The following NEK6 variants were observed in gnomAD, a reference collection of about 807,000 sequenced individuals.
NEK6 encodes the protein serine/threonine-protein kinase Nek6.
NEK6 carries 27 observed loss-of-function variants against 43.5 expected under a neutral mutation model. The observed-to-expected ratio is 0.62, with a 90% confidence interval of 0.46 to 0.86. NEK6 has a LOEUF of 0.86. NEK6 is among the 40% of genes least tolerant of loss of function. The pLI, the probability that NEK6 is intolerant of heterozygous loss-of-function variation, is 0.00. For synonymous variants in NEK6, 167 were observed against 164.1 expected (o/e 1.02, Z -0.14); for missense variants, 318 against 414.4 (o/e 0.77, Z 2.02).
rs11556891 is a variant in NEK6, at chr9:124,258,016, C to T, written c.-99C>T. The T allele has an allele frequency of 6.1e-6, 6 of 978,566 alleles. No individual in the cohort carries two copies. Among genetic ancestry groups the T allele is most frequent in the Non-Finnish European group, 7.3e-6 (6 of 827,444 alleles). The allele number at this position is 978,566 out of a possible 1,614,324, so 60.6% of individuals were successfully genotyped here. ...CGCTGCGCCGCAAACTCGTGTGGGA[C>T]GCACCGCTCCAGCCGCCCGCGGGCC... On this transcript the variant is annotated 5_prime_UTR_variant, in exon 1 of 10. The change creates a new upstream start codon in the 5' untranslated region. Transcript: ENST00000320246.
At chr9:124,281,165 G>A (rs1307142380) in intron 1 of NEK6, among the ~76,000 whole-genome samples, 1 of 152,180 alleles carries the variant, frequency 6.6e-6, no homozygotes, top group Non-Finnish European at 1.5e-5. Flanking sequence ...TGGCCTGGGG[G>A]CCTCTTCCCT....
intron 7 of NEK6, among the ~76,000 whole-genome samples, chr9:124,333,915 G>A (rs1386070809): frequency 1.3e-5 from 2 of 151,840 alleles, no homozygotes; most frequent in Non-Finnish European, 2.9e-5. Flanking sequence ...GTAGCTGGGA[G>A]TACAGGCGCG....
chr9:124,266,438 G>A (rs1831230483), intron 1 of NEK6, among the ~76,000 whole-genome samples: 1 of 152,182 alleles, frequency 6.6e-6, no homozygotes. Context: ...AAAATTGGAG[G>A]ACAGAGGCTG....
chr9:124,291,737 C>T, intron 1 of NEK6: 1 of 821,286 alleles, frequency 1.2e-6, no homozygotes, highest in Non-Finnish European at 1.5e-6. Flanking sequence ...GGAAAGGACC[C>T]TTGTCCCTCC....
chr9:124,276,255 C>T (rs1314720619), intron 1 of NEK6, among the ~76,000 whole-genome samples: 1 of 152,096 alleles, frequency 6.6e-6, no homozygotes, highest in East Asian at 1.9e-4. Context: ...TCCCCAGGGG[C>T]TTCAGTGGCT....
chr9:124,326,202 T>TACCCCCCCCCCC lies in NEK6; in HGVS notation c.406-128_406-127insACCCCCCCCCCC. 8.1e-6 allele frequency: 1 copy of TACCCCCCCCCCC among 124,050 alleles called. No homozygotes were observed. Among genetic ancestry groups the TACCCCCCCCCCC allele is most frequent in the Non-Finnish European group, 2.0e-5 (1 of 50,618 alleles). The allele number at this position is 124,050 out of a possible 1,614,324, so 7.7% of individuals were successfully genotyped here. A position where few individuals can be genotyped will look rare whatever the true frequency, so the allele number is the denominator to read the frequency against. On this transcript the variant is annotated intron_variant, in intron 5 of 9. Coordinates refer to ENST00000320246, the MANE Select transcript of NEK6 (RefSeq NM_014397.6). The surrounding 1 kb of genome is among the most constrained non-coding windows in gnomAD (Gnocchi z 4.5). ...GCTTATTGTTTGCTCAGTGGCTCAATCCCCCCCCCCCGCCCCTGCCAGGCA... is the reference window on the plus strand; with the variant it reads ...GCTTATTGTTTGCTCAGTGGCTCAATACCCCCCCCCCCCCCCCCCCCCCGCCCCTGCCAGGCA...
intron 7 of NEK6, among the ~76,000 whole-genome samples, chr9:124,334,002 C>T (rs558110803): frequency 7.6e-4 from 115 of 152,280 alleles, no homozygotes; most frequent in African/African-American, 2.7e-3. Context: ...TGGTCTCGAT[C>T]TCCTGACCTC....
chr9:124,353,272 T>C lies in NEK6; in HGVS notation c.*2325T>C. The C allele has an allele frequency of 3.2e-6, 1 of 314,282 alleles. No individual in the cohort carries two copies. The highest frequency in any genetic ancestry group is 5.8e-6 in the Non-Finnish European group (1 of 171,904). The allele number at this position is 314,282 out of a possible 1,614,324, so 19.5% of individuals were successfully genotyped here. On this transcript the variant is annotated 3_prime_UTR_variant, in exon 10 of 10. Transcript: ENST00000320246. ...AAAAGGGTAGGTATCGATGGTCACC[T>C]GAAGCCTCAAGGGAGTCCACTCTGA...
intron 1 of NEK6, among the ~76,000 whole-genome samples, chr9:124,264,334 C>T (rs1831143738): frequency 6.6e-6 from 1 of 152,212 alleles, no homozygotes; most frequent in African/African-American, 2.4e-5. Flanking sequence ...TCTGTAGTCA[C>T]CTCATGCAAG....
At chr9:124,302,337 G>A (rs1833024537) in intron 2 of NEK6, among the ~76,000 whole-genome samples, 1 of 152,224 alleles carries the variant, frequency 6.6e-6, no homozygotes, top group Non-Finnish European at 1.5e-5. Flanking sequence ...CTTTATCTCA[G>A]GGATCAGCAT....
rs1834230833 is a variant in NEK6, at chr9:124,324,429, C to T, written c.406-1901C>T. ...ACAGCCATGGTGCCCGAGTTATTTA[C>T]GAGGAAGAGTGAAGCTAGGAGCTGC... On this transcript the variant is annotated intron_variant, in intron 5 of 9. Coordinates refer to ENST00000320246, the MANE Select transcript of NEK6 (RefSeq NM_014397.6). The surrounding 1 kb of genome is among the most constrained non-coding windows in gnomAD (Gnocchi z 5.3). Among the ~76,000 whole-genome samples, 1 of 152,312 alleles carries T rather than the reference C, an allele frequency of 6.6e-6. No homozygotes were observed. The highest frequency in any genetic ancestry group is 6.5e-5 in the Admixed American group (1 of 15,298).
intron 1 of NEK6, chr9:124,265,557 A>G: frequency 6.6e-6 from 1 of 152,200 alleles, no homozygotes; most frequent in East Asian, 1.9e-4. Flanking sequence ...GCTTTAAAAA[A>G]AAAAATACCT....
chr9:124,296,362 T>C (rs533474269), intron 1 of NEK6, among the ~76,000 whole-genome samples: 1 of 152,218 alleles, frequency 6.6e-6, no homozygotes, highest in East Asian at 1.9e-4. Context: ...TCAGGGAAAC[T>C]GGAGAGGGGA....
chr9:124,300,800 A>T (rs56260503), intron 1 of NEK6, among the ~76,000 whole-genome samples: 1 of 151,902 alleles, frequency 6.6e-6, no homozygotes, highest in Non-Finnish European at 1.5e-5. Flanking sequence ...ACCGCAGGGG[A>T]GGGGGCTCCA....
At chr9:124,286,918 C>G (rs1832191201) in intron 1 of NEK6, among the ~76,000 whole-genome samples, 1 of 152,202 alleles carries the variant, frequency 6.6e-6, no homozygotes, top group African/African-American at 2.4e-5. Flanking sequence ...ATGAGGTACA[C>G]AAGCCCTATC....
intron 1 of NEK6, among the ~76,000 whole-genome samples, chr9:124,301,142 A>T (rs965054530): frequency 3.3e-5 from 5 of 152,180 alleles, no homozygotes; most frequent in Admixed American, 6.5e-5. Flanking sequence ...CACAGGTTCT[A>T]TGCACATAAC....
intron 1 of NEK6, among the ~76,000 whole-genome samples, chr9:124,276,578 T>G (rs1453472724): frequency 1.3e-5 from 2 of 152,236 alleles, no homozygotes; most frequent in Non-Finnish European, 2.9e-5. Flanking sequence ...TGGTTGTCTA[T>G]GTGTGGCTGG....
At chr9:124,339,719 C>A in intron 8 of NEK6, 54 bp downstream of exon 8, 1 of 1,326,666 alleles carries the variant, frequency 7.5e-7, no homozygotes, top group Non-Finnish European at 1.1e-6. Flanking sequence ...ATGGGGGGTG[C>A]CCAGTTAGGA....
intron 2 of NEK6, among the ~76,000 whole-genome samples, chr9:124,303,160 T>G (rs1432049689): frequency 3.3e-5 from 5 of 152,318 alleles, no homozygotes; most frequent in African/African-American, 9.6e-5. Flanking sequence ...TCTGGGCAGG[T>G]TGAGCAGAGC....
Sources: gnomAD v4.1 joint callset for allele counts (sites outside exome capture counted in the v4.1 genomes callset) on GRCh38, gnomAD v4.1.1 for gene constraint, Gnocchi (gnomAD v3.1) non-coding constraint, MANE v1.5 for transcripts, NCBI Gene and HGNC (gene_info 2026-07-23, HGNC 2026-07-21) for gene names.